CFTR: variants seen among roughly 807,000 people sequenced by gnomAD.
CFTR encodes the protein cystic fibrosis transmembrane conductance regulator.
CFTR carries 181 observed loss-of-function variants against 171.6 expected under a neutral mutation model. The observed-to-expected ratio is 1.05, with a 90% confidence interval of 0.93 to 1.19. CFTR has a LOEUF of 1.19. CFTR is among the 50% of genes most tolerant of loss of function. The probability of loss-of-function intolerance (pLI) is 0.00; values close to 1 mark genes in which losing one functional copy is unlikely to be tolerated. For synonymous variants in CFTR, 583 were observed against 608.0 expected, an observed-to-expected ratio of 0.96 and a Z score of 0.60; for missense variants, 1,968 against 1,734.7, an observed-to-expected ratio of 1.13 and a Z score of -2.39.
chr7:117,556,673 C>T (rs1418493012), intron 10 of CFTR, among the ~76,000 whole-genome samples: 1 of 149,518 alleles, frequency 6.7e-6, no homozygotes, highest in African/African-American at 2.5e-5. Context: ...GCGCCCGCCA[C>T]TACGCCCGGC....
Position 117,652,902 on chromosome 7 carries a change from G to C in CFTR, c.3934G>C (p.Asp1312His). 6.2e-7 allele frequency: 1 copy of C among 1,606,448 alleles called. No individual in the cohort carries two copies. The change falls in exon 24 of 27, where the codon GAT becomes CAT. Residue 1312 changes from aspartate (D) to histidine (H), a missense_variant. By Grantham distance (81) the Asp-to-His change is moderately conservative. Coordinates refer to ENST00000003084, the MANE Select transcript of CFTR (RefSeq NM_000492.4). ...CTTGGATCCCTATGAACAGTGGAGT[G>C]ATCAAGAAATATGGAAAGTTGCAGA... is the stretch of plus-strand genomic sequence containing the variant. The part of the protein sequence containing the change: ...KNLDPYEQWS[D>H]QEIWKVADEV...
rs397508139 is a variant in CFTR at position 117,540,237 on chromosome 7, T to C, written c.1007T>C (p.Ile336Thr). ...ATCAAAGGAATCATCCTCCGGAAAA[T>C]ATTCACCACCATCTCATTCTGCATT... ...ALIKGIILRK[I>T]FTTISFCIVL... Residue 336 changes from isoleucine (I) to threonine (T), a missense_variant, in exon 8 of 27, where the codon ATA (isoleucine) becomes ACA (threonine). Ile to Thr is a moderately conservative substitution (Grantham distance 89, BLOSUM62 -1). Coordinates refer to ENST00000003084, the MANE Select transcript of CFTR (RefSeq NM_000492.4). The C allele has an allele frequency of 6.2e-7, 1 of 1,613,990 alleles. No individual in the cohort carries two copies. Among genetic ancestry groups the C allele is most frequent in the Non-Finnish European group, 8.5e-7 (1 of 1,180,024 alleles).
chr7:117,502,438 T>G (rs1645311868), intron 1 of CFTR, among the ~76,000 whole-genome samples: 1 of 152,196 alleles, frequency 6.6e-6, no homozygotes, highest in African/African-American at 2.4e-5. Flanking sequence ...AATACACGGG[T>G]TTTTATTAGT....
intron 23 of CFTR, among the ~76,000 whole-genome samples, chr7:117,649,278 ATG>A (rs375570103): frequency 8.1e-4 from 111 of 137,288 alleles, no homozygotes; most frequent in Middle Eastern, 3.6e-3. Flanking sequence ...TATACATGGG[ATG>A]TGTGTGTGTG....
chr7:117,497,382 C>T (rs1438099046), intron 1 of CFTR, among the ~76,000 whole-genome samples: 1 of 152,088 alleles, frequency 6.6e-6, no homozygotes, highest in Non-Finnish European at 1.5e-5. Context: ...CAAAGCCAAG[C>T]AGTTGATATG....
At chr7:117,533,261 G>T (rs913371850) in intron 4 of CFTR, among the ~76,000 whole-genome samples, 7 of 151,930 alleles carry the variant, frequency 4.6e-5, no homozygotes, top group African/African-American at 1.7e-4. Flanking sequence ...GGAATTAACT[G>T]CCTTGATTCC....
chr7:117,603,510 C>A (rs754436302), intron 16 of CFTR, 22 bp from the exon 17 acceptor site: 1 of 1,613,424 alleles, frequency 6.2e-7, no homozygotes, highest in Non-Finnish European at 8.5e-7. Flanking sequence ...TGCCAAATAA[C>A]GATTTCCTAT....
At chr7:117,580,743 G>C (rs958867448) in intron 11 of CFTR, among the ~76,000 whole-genome samples, 2 of 152,128 alleles carry the variant, frequency 1.3e-5, no homozygotes, top group African/African-American at 4.8e-5. Context: ...AAGCACAGAA[G>C]TGCTTGAAGG....
At chr7:117,531,189 G>A (rs1798860214) in intron 4 of CFTR, 75 bp downstream of exon 4, 8 of 1,152,976 alleles carry the variant, frequency 6.9e-6, no homozygotes, top group Non-Finnish European at 1.0e-5. Context: ...AAATTAGGTA[G>A]TGAGCTGGTA....
chr7:117,625,898 G>A (rs1432350572), intron 21 of CFTR, among the ~76,000 whole-genome samples: 1 of 152,100 alleles, frequency 6.6e-6, no homozygotes, highest in Non-Finnish European at 1.5e-5. Flanking sequence ...GAATGACTGA[G>A]TCAAGAGTTA....
At chr7:117,590,891 C>G (rs753126569) in intron 13 of CFTR, among the ~76,000 whole-genome samples, 34 of 151,986 alleles carry the variant, frequency 2.2e-4, no homozygotes, top group Non-Finnish European at 4.3e-4. Flanking sequence ...CTCAATACTT[C>G]CTTGGAGATC....
intron 11 of CFTR, among the ~76,000 whole-genome samples, chr7:117,582,487 G>A (rs1268464470): frequency 1.3e-5 from 2 of 152,104 alleles, no homozygotes; most frequent in Admixed American, 6.6e-5. Context: ...ACGCAACCTG[G>A]AAGATCTCCC....
intron 21 of CFTR, among the ~76,000 whole-genome samples, chr7:117,622,102 A>G (rs1562918054): frequency 6.6e-6 from 1 of 152,196 alleles, no homozygotes; most frequent in Admixed American, 6.5e-5. Context: ...AAATATGTAA[A>G]CCATTTCTGT....
chr7:117,604,394 G>C (rs1792273230), intron 17 of CFTR, among the ~76,000 whole-genome samples: 1 of 152,108 alleles, frequency 6.6e-6, no homozygotes, highest in African/African-American at 2.4e-5. Flanking sequence ...AAACAAATTT[G>C]CACTTAAAGA....
chr7:117,649,595 G>A (rs1186994640), intron 23 of CFTR, among the ~76,000 whole-genome samples: 2 of 150,306 alleles, frequency 1.3e-5, no homozygotes, highest in Non-Finnish European at 3.0e-5. Context: ...AACAACATGT[G>A]CTGAACTCTG....
chr7:117,573,056 CTT>C (rs1491077188), intron 11 of CFTR, among the ~76,000 whole-genome samples: 4 of 107,098 alleles, frequency 3.7e-5, no homozygotes, highest in East Asian at 1.9e-4. Context: ...CTCTCTCTCT[CTT>C]GCTCTCTCTC....
At chr7:117,534,096 C>T (rs1445470930) in intron 4 of CFTR, among the ~76,000 whole-genome samples, 180 bp from the exon 5 acceptor site, 1 of 152,080 alleles carries the variant, frequency 6.6e-6, no homozygotes, top group Non-Finnish European at 1.5e-5. Context: ...ATAATATTGA[C>T]TGTTGAAAGA....
chr7:117,481,785 G>A (rs1798004402), intron 1 of CFTR, among the ~76,000 whole-genome samples: 1 of 152,208 alleles, frequency 6.6e-6, no homozygotes, highest in Non-Finnish European at 1.5e-5. Flanking sequence ...TTCTAAAAGT[G>A]TAAAAAACAT....
At position 117,509,097 on chromosome 7, in the gene CFTR, T is replaced by G. The variant is rs777536750; in HGVS notation, c.228T>G (p.Cys76Trp). Residue 76 changes from cysteine (C) to tryptophan (W), a missense_variant, in exon 3 of 27, where the codon TGT becomes TGG. Transcript: ENST00000003084. ...NPKLINALRR[C>W]FFWRFMFYGI... Reference sequence around the variant, plus strand: ...AACTCATTAATGCCCTTCGGCGATGTTTTTTCTGGAGATTTATGTTCTATG... The same window carrying G: ...AACTCATTAATGCCCTTCGGCGATGGTTTTTCTGGAGATTTATGTTCTATG... 9.3e-6 allele frequency: 15 copies of G among 1,612,044 alleles called. No homozygotes were observed. Among genetic ancestry groups the G allele is most frequent in the Non-Finnish European group, 1.3e-5 (15 of 1,178,356 alleles).
Sources: allele counts gnomAD v4.1 joint callset (sites outside exome capture counted in the v4.1 genomes callset), GRCh38; gene constraint gnomAD v4.1.1; transcripts MANE v1.5; gene names NCBI Gene and HGNC (gene_info 2026-07-23, HGNC 2026-07-21).